Variants in LPP observed in about 807,000 individuals in gnomAD.
LPP encodes lipoma-preferred partner.
A neutral mutation model predicts 60.4 loss-of-function variants in LPP; 38 were observed. That is an observed-to-expected ratio of 0.63 (90% CI 0.49 to 0.83). LPP has a LOEUF of 0.83. LPP is among the 40% of genes least tolerant of loss of function. LPP has a pLI of 0.00. For missense variants in LPP, 902 were observed against 783.6 expected (o/e 1.15, Z -1.80); for synonymous variants, 328 against 290.8 (o/e 1.13, Z -1.30).
chr3:188,200,891 T>G (rs186152897), intron 1 of LPP, among the ~76,000 whole-genome samples: 5 of 152,372 alleles, frequency 3.3e-5, no homozygotes, highest in Admixed American at 2.6e-4. Flanking sequence ...ATTATAACAC[T>G]GTAATATAAT....
At chr3:188,498,921 T>G (rs1223334812) in intron 5 of LPP, among the ~76,000 whole-genome samples, 1 of 152,238 alleles carries the variant, frequency 6.6e-6, no homozygotes, top group Non-Finnish European at 1.5e-5. Context: ...CATCTATTCA[T>G]GTATGTATTA....
At chr3:188,268,867 T>G (rs546993018) in intron 2 of LPP, among the ~76,000 whole-genome samples, 14 of 152,242 alleles carry the variant, frequency 9.2e-5, no homozygotes, top group Non-Finnish European at 1.5e-4. Context: ...GTAGATACTT[T>G]TTACAGGCCT....
intron 3 of LPP, among the ~76,000 whole-genome samples, chr3:188,370,737 A>G (rs929409086): frequency 6.6e-6 from 1 of 152,076 alleles, no homozygotes; most frequent in Non-Finnish European, 1.5e-5. Flanking sequence ...GGGCTGGGAA[A>G]GCCATTTGAG....
At chr3:188,250,221 C>A (rs1010490115) in intron 2 of LPP, among the ~76,000 whole-genome samples, 3 of 152,150 alleles carry the variant, frequency 2.0e-5, no homozygotes, top group Non-Finnish European at 4.4e-5. Flanking sequence ...ATTTCCACAG[C>A]CTTTCTTTAT....
chr3:188,174,067 G>A (rs344961), intron 1 of LPP, among the ~76,000 whole-genome samples: 50,147 of 152,088 alleles, frequency 0.33, 9,491 homozygotes, highest in East Asian at 0.71. Flanking sequence ...AGCCTGGAAC[G>A]TAGTAGGTTC....
At chr3:188,636,393 C>G (rs544636603) in intron 7 of LPP, among the ~76,000 whole-genome samples, 2 of 152,366 alleles carry the variant, frequency 1.3e-5, no homozygotes, top group South Asian at 2.1e-4. Flanking sequence ...CCGCACCTTG[C>G]TCGGAGGGTC....
intron 4 of LPP, among the ~76,000 whole-genome samples, chr3:188,481,788 A>T (rs904331269): frequency 6.6e-6 from 1 of 152,178 alleles, no homozygotes; most frequent in Non-Finnish European, 1.5e-5. Flanking sequence ...TGATAATATG[A>T]TCTCCAAGAT....
chr3:188,437,283 T>A (rs1792562238), intron 4 of LPP, among the ~76,000 whole-genome samples: 1 of 152,210 alleles, frequency 6.6e-6, no homozygotes, highest in African/African-American at 2.4e-5. Context: ...TACGTGCATT[T>A]GAATGATATG....
chr3:188,690,604 G>A (rs939300579), intron 7 of LPP, among the ~76,000 whole-genome samples: 4 of 152,200 alleles, frequency 2.6e-5, no homozygotes, highest in Non-Finnish European at 5.9e-5. Flanking sequence ...ATAAATAGCT[G>A]TGTAAAATGT....
chr3:188,584,819 AC>A (rs1166513146), intron 6 of LPP, among the ~76,000 whole-genome samples: 28 of 151,022 alleles, frequency 1.9e-4, no homozygotes, highest in Non-Finnish European at 3.4e-4. Flanking sequence ...TTTTCTACCA[AC>A]CTTTTTTGAA....
At chr3:188,533,190 C>G (rs954095027) in intron 6 of LPP, among the ~76,000 whole-genome samples, 15 of 152,208 alleles carry the variant, frequency 9.9e-5, no homozygotes, top group Admixed American at 3.3e-4. Flanking sequence ...TGCCCTGGAT[C>G]TTCCCTTCTC....
chr3:188,381,596 C>G (rs1409181648), intron 3 of LPP, among the ~76,000 whole-genome samples: 1 of 152,172 alleles, frequency 6.6e-6, no homozygotes, highest in African/African-American at 2.4e-5. Context: ...TACCCACTTT[C>G]CGATTCGGGG....
chr3:188,684,700 G>A (rs950378246), intron 7 of LPP, among the ~76,000 whole-genome samples: 10 of 151,540 alleles, frequency 6.6e-5, no homozygotes, highest in Admixed American at 2.0e-4. Context: ...TATTCCCTGA[G>A]GCTTGTCAAT....
chr3:188,283,955 T>C (rs61503126), intron 2 of LPP, among the ~76,000 whole-genome samples: 9,240 of 151,756 alleles, frequency 0.061, 682 homozygotes, highest in African/African-American at 0.18. Flanking sequence ...CCAGCCTGGG[T>C]GACAGAGCGA....
chr3:188,744,103 C>T (rs1293350091), intron 8 of LPP, among the ~76,000 whole-genome samples: 2 of 152,126 alleles, frequency 1.3e-5, no homozygotes, highest in Non-Finnish European at 2.9e-5. Flanking sequence ...CACAAACATA[C>T]ACTTCCATAT....
chr3:188,296,838 G>C lies in LPP; in HGVS notation c.-66-44825G>C, dbSNP rs543345284. 2.3e-4 allele frequency among the ~76,000 whole-genome samples: 35 copies of C among 152,320 alleles called. No homozygotes were observed. The Middle Eastern group carries it at 0.014, about 59-fold the overall frequency. ...CTCTAACAGTCAGGTAACTCACAAAGACTGGAAGGAAGTGACTGGGTTACA... is the reference window on the plus strand; with the variant it reads ...CTCTAACAGTCAGGTAACTCACAAACACTGGAAGGAAGTGACTGGGTTACA... On this transcript the variant is annotated intron_variant, in intron 2 of 11. Transcript: ENST00000617246.
In LPP at chr3:188,206,837, A is replaced by G. The variant is rs141519330; in HGVS notation, c.-189-18568A>G. The stretch of plus-strand genomic sequence containing the variant: ...TTAAGCTTTTGTTTTCTCATTTGTA[A>G]TATGGGAGTGAGAGTGCCTAGTTCA... On this transcript the variant is annotated intron_variant, in intron 1 of 11. Coordinates refer to ENST00000617246, the MANE Select transcript of LPP (RefSeq NM_001375462.1). Among the ~76,000 whole-genome samples, 485 of 152,264 alleles carry G rather than the reference A, an allele frequency of 3.2e-3. 4 individuals carry two copies. The highest frequency in any genetic ancestry group is 0.011 in the African/African-American group (467 of 41,554).
chr3:188,537,683 G>T (rs369485232), intron 6 of LPP, among the ~76,000 whole-genome samples: 6 of 152,296 alleles, frequency 3.9e-5, no homozygotes, highest in African/African-American at 1.4e-4. Flanking sequence ...TCCCCAATTT[G>T]ATATATAGAT....
chr3:188,192,289 C>G (rs1262966308), intron 1 of LPP, among the ~76,000 whole-genome samples: 1 of 152,130 alleles, frequency 6.6e-6, no homozygotes, highest in Non-Finnish European at 1.5e-5. Context: ...GAAGAGAGAT[C>G]ATGGGCAAGA....
Sources: gnomAD v4.1 joint callset for allele counts (sites outside exome capture counted in the v4.1 genomes callset) on GRCh38, gnomAD v4.1.1 for gene constraint, MANE v1.5 for transcripts, NCBI Gene and HGNC (gene_info 2026-07-23, HGNC 2026-07-21) for gene names.